CHST9: variants seen among roughly 807,000 people sequenced by gnomAD.
CHST9 encodes the protein GalNAc-4-sulfotransferase 2.
CHST9 carries 41 observed loss-of-function variants against 44.4 expected under a neutral mutation model. That is an observed-to-expected ratio of 0.92 (90% CI 0.72 to 1.20). CHST9 has a LOEUF of 1.20. CHST9 is among the 50% of genes most tolerant of loss of function. The pLI is 0.00. For synonymous variants in CHST9, 171 were observed against 178.4 expected, an observed-to-expected ratio of 0.96 and a Z score of 0.33; for missense variants, 504 against 516.5, an observed-to-expected ratio of 0.98 and a Z score of 0.23.
In CHST9 at chr18:27,069,270, C is replaced by T. The variant is rs765793642; in HGVS notation, c.122-20767G>A. On this transcript the variant is annotated intron_variant, in intron 2 of 5. Coordinates refer to ENST00000618847, the MANE Select transcript of CHST9 (RefSeq NM_031422.6). The stretch of plus-strand genomic sequence containing the variant: ...TTTTCTTATCATCCTATAATAAAGG[C>T]TGTTTATGTTCTCTAATGTACCCTA... 5.7e-4 allele frequency among the ~76,000 whole-genome samples: 87 copies of T among 152,052 alleles called. 1 individual carries two copies. Among genetic ancestry groups the T allele is most frequent in the Non-Finnish European group, 1.9e-4 (13 of 68,014 alleles).
chr18:27,178,530 A>G (rs1048362338), intron 1 of CHST9, among the ~76,000 whole-genome samples: 5 of 152,014 alleles, frequency 3.3e-5, no homozygotes, highest in South Asian at 2.1e-4. Flanking sequence ...TCCAGTAGAC[A>G]GAAGTAAGAA....
chr18:26,977,953 A>G (rs1268199657), intron 4 of CHST9, among the ~76,000 whole-genome samples: 1 of 152,190 alleles, frequency 6.6e-6, no homozygotes, highest in Non-Finnish European at 1.5e-5. Flanking sequence ...AGGAGTATAG[A>G]AATACTCTTA....
At chr18:27,019,092 G>A (rs1364584433) in intron 4 of CHST9, among the ~76,000 whole-genome samples, 2 of 152,208 alleles carry the variant, frequency 1.3e-5, no homozygotes, top group South Asian at 2.1e-4. Context: ...GCAATCTGCA[G>A]TGCTTGTGAA....
intron 2 of CHST9, among the ~76,000 whole-genome samples, chr18:27,118,528 C>T (rs139021533): frequency 1.4e-4 from 21 of 152,318 alleles, no homozygotes; most frequent in South Asian, 6.2e-4. Flanking sequence ...ATCCATCAAT[C>T]GAGGAGAGAT....
chr18:27,159,134 T>C (rs1214879829), intron 1 of CHST9, among the ~76,000 whole-genome samples: 2 of 152,130 alleles, frequency 1.3e-5, no homozygotes, highest in Admixed American at 1.3e-4. Flanking sequence ...TTTGTCAATT[T>C]TGGCTTTTGT....
intron 2 of CHST9, among the ~76,000 whole-genome samples, chr18:27,066,068 G>A (rs1031396613): frequency 6.6e-6 from 1 of 152,186 alleles, no homozygotes. Context: ...CACAGAGGGT[G>A]GAAAAACAGT....
At chr18:27,001,630 A>C (rs977571294) in intron 4 of CHST9, among the ~76,000 whole-genome samples, 7 of 152,014 alleles carry the variant, frequency 4.6e-5, no homozygotes, top group African/African-American at 1.7e-4. Flanking sequence ...CATTATTAAA[A>C]AAAGACTATG....
At chr18:27,165,416 T>C (rs1365120218) in intron 1 of CHST9, among the ~76,000 whole-genome samples, 2 of 152,024 alleles carry the variant, frequency 1.3e-5, no homozygotes, top group Non-Finnish European at 2.9e-5. Context: ...AATGGAAGAA[T>C]AGGAGGGTTG....
intron 2 of CHST9, among the ~76,000 whole-genome samples, chr18:27,100,227 T>C (rs1340107633): frequency 2.0e-5 from 3 of 152,058 alleles, no homozygotes; most frequent in Non-Finnish European, 4.4e-5. Context: ...TGGACATAAA[T>C]AGGACAACAA....
intron 4 of CHST9, among the ~76,000 whole-genome samples, chr18:27,013,070 T>C (rs1309489740): frequency 1.8e-4 from 28 of 152,208 alleles, no homozygotes; most frequent in Admixed American, 1.8e-3. Context: ...CTTTCATTAC[T>C]GTATGAGCTT....
intron 4 of CHST9, among the ~76,000 whole-genome samples, chr18:27,007,411 G>T (rs1368878698): frequency 6.6e-6 from 1 of 152,186 alleles, no homozygotes; most frequent in African/African-American, 2.4e-5. Flanking sequence ...TTTGGAAGAG[G>T]GCCAGGGGTG....
chr18:27,113,319 T>C (rs533223883), intron 2 of CHST9, among the ~76,000 whole-genome samples: 167 of 152,338 alleles, frequency 1.1e-3, no homozygotes, highest in Non-Finnish European at 1.9e-3. Context: ...TATCTTCTAG[T>C]CATTTTCTTT....
At chr18:27,030,584 G>A (rs1044459411) in intron 3 of CHST9, among the ~76,000 whole-genome samples, 5 of 152,226 alleles carry the variant, frequency 3.3e-5, no homozygotes, top group African/African-American at 4.8e-5. Context: ...TTGCCTGTGC[G>A]GAGGCAGCTT....
chr18:27,153,526 T>TTCTC (rs769722858), intron 1 of CHST9, among the ~76,000 whole-genome samples: 92 of 140,866 alleles, frequency 6.5e-4, no homozygotes, highest in Middle Eastern at 3.5e-3. Context: ...CTCTCTGTCT[T>TTCTC]TCTCTCTCTC....
intron 2 of CHST9, among the ~76,000 whole-genome samples, chr18:27,141,336 G>T (rs949652476): frequency 1.3e-5 from 2 of 152,094 alleles, no homozygotes; most frequent in Non-Finnish European, 2.9e-5. Context: ...CTGCACTCCA[G>T]CCTAGGCGAC....
At chr18:27,073,380 C>G (rs9635977) in intron 2 of CHST9, among the ~76,000 whole-genome samples, 1 of 140,848 alleles carries the variant, frequency 7.1e-6, no homozygotes, top group Non-Finnish European at 1.5e-5. Flanking sequence ...AGCTGGTGCA[C>G]TGGTAGCGCC....
intron 4 of CHST9, among the ~76,000 whole-genome samples, chr18:26,972,567 C>T (rs144130801): frequency 6.6e-6 from 1 of 151,898 alleles, no homozygotes; most frequent in African/African-American, 2.4e-5. Context: ...AGATGGGGAC[C>T]GACAGAGTTT....
intron 1 of CHST9, among the ~76,000 whole-genome samples, chr18:27,160,493 T>C (rs1377632001): frequency 6.6e-6 from 1 of 152,134 alleles, no homozygotes; most frequent in Admixed American, 6.6e-5. Context: ...TTCTTGATGT[T>C]CTGCTGGATT....
At chr18:27,183,952 T>A (rs1176741735) in intron 1 of CHST9, among the ~76,000 whole-genome samples, 1 of 152,154 alleles carries the variant, frequency 6.6e-6, no homozygotes, top group Non-Finnish European at 1.5e-5. Context: ...TGCATTTGGA[T>A]GTGTATATGT....
Sources: allele counts gnomAD v4.1 joint callset (sites outside exome capture counted in the v4.1 genomes callset), GRCh38; gene constraint gnomAD v4.1.1; transcripts MANE v1.5; gene names NCBI Gene and HGNC (gene_info 2026-07-23, HGNC 2026-07-21).